Variants in CORO1B observed in about 807,000 individuals in gnomAD.
CORO1B encodes coronin 1B, also known as coronin-1B.
CORO1B carries 30 observed loss-of-function variants against 51.1 expected under a neutral mutation model. The ratio of observed to expected loss-of-function variants is 0.59; its 90% CI spans 0.44 to 0.80. The LOEUF (loss-of-function observed/expected upper bound fraction) is 0.80. CORO1B is among the 30% of genes least tolerant of loss of function. The pLI, the probability that CORO1B is intolerant of heterozygous loss-of-function variation, is 0.00. For missense variants in CORO1B, 648 were observed against 700.4 expected (o/e 0.93, Z 0.84); for synonymous variants, 310 against 289.7 (o/e 1.07, Z -0.71).
intron 9 of CORO1B, 29 bp downstream of exon 9, chr11:67,439,757 C>T: frequency 6.4e-7 from 1 of 1,569,568 alleles, no homozygotes; most frequent in Admixed American, 1.9e-5. Context: ...GAGAAAGGGC[C>T]AAGTGAGCCG....
chr11:67,443,447 C>T lies in CORO1B; in HGVS notation c.-46G>A, dbSNP rs1175436193. ...AGGGGGCTGCGGCACCGGCTTCGGG[C>T]GGCTCCGGATCCCGGCCTCTGGGAA... On this transcript the variant is annotated 5_prime_UTR_variant, in exon 1 of 11. Transcript: ENST00000341356. 15 of 986,198 alleles carry T rather than the reference C, an allele frequency of 1.5e-5. No homozygotes were observed. In the East Asian group the frequency reaches 5.7e-4, roughly 37 times the overall value. 61.1% of individuals were successfully genotyped at this position (986,198 alleles called of 1,614,324 possible).
In CORO1B at chr11:67,437,323, C is replaced by T. The variant is rs948678491; in HGVS notation, c.*1053G>A. 3.4e-5 allele frequency: 12 copies of T among 353,380 alleles called. No homozygotes were observed. Among genetic ancestry groups the T allele is most frequent in the Non-Finnish European group, 5.6e-5 (11 of 197,310 alleles). The allele number at this position is 353,380 out of a possible 1,614,324, so 21.9% of individuals were successfully genotyped here. On this transcript the variant is annotated 3_prime_UTR_variant, in exon 11 of 11. Coordinates refer to ENST00000341356, the MANE Select transcript of CORO1B (RefSeq NM_020441.3). ...AGCCAGCCTCCCCCACCACCCCAGG[C>T]TGTCCGCCCAGGCTCCAGGAATGCA...
At chr11:67,442,935 C>T (rs557485761) in intron 1 of CORO1B, among the ~76,000 whole-genome samples, 2 of 152,266 alleles carry the variant, frequency 1.3e-5, no homozygotes, top group East Asian at 1.9e-4. Flanking sequence ...TGGGAGGTGC[C>T]GGGGTTGGAG....
In CORO1B at chr11:67,442,603, T is replaced by C. The variant is rs1308477856; in HGVS notation, c.26A>G (p.Gln9Arg). The change falls in exon 2 of 11, where the codon CAG becomes CGG. Residue 9 changes from glutamine to arginine, a missense_variant. Gln to Arg is a conservative substitution (Grantham distance 43). Coordinates refer to ENST00000341356, the MANE Select transcript of CORO1B (RefSeq NM_020441.3). MSFRKVVR[Q>R]SKFRHVFGQP... is the part of the protein sequence containing the mutation. ...CCCGAACACATGCCGGAATTTGCTC[T>C]GCCGGACCACTTTGCGGAAGGACAT... The C allele has an allele frequency of 2.5e-6, 4 of 1,613,746 alleles. No individual in the cohort carries two copies. Among genetic ancestry groups the C allele is most frequent in the African/African-American group, 1.3e-5 (1 of 75,070 alleles).
At position 67,441,329 on chromosome 11, in the gene CORO1B, G is replaced by A. The variant is rs376280263; in HGVS notation, c.636+4C>T. 8.1e-6 allele frequency: 13 copies of A among 1,613,358 alleles called. No individual in the cohort carries two copies. The highest frequency in any genetic ancestry group is 2.7e-5 in the African/African-American group (2 of 74,942). ...AGCCATCCTTGCCCTCCAGAGCCACGTACTGCCACCAGGGTGCCCCGACGG... is the reference window on the plus strand; with the variant it reads ...AGCCATCCTTGCCCTCCAGAGCCACATACTGCCACCAGGGTGCCCCGACGG... On this transcript the variant is annotated splice_donor_region_variant and intron_variant, in intron 5 of 10. Coordinates refer to ENST00000341356, the MANE Select transcript of CORO1B (RefSeq NM_020441.3).
At chr11:67,442,653 TCAGTCCGGCCCATCCCAACAACTC>T in intron 1 of CORO1B, 23 bp from the exon 2 acceptor site, 1 of 1,609,646 alleles carries the variant, frequency 6.2e-7, no homozygotes, top group Non-Finnish European at 8.5e-7. Context: ...GAGGCCTGGG[TCAGTCCGGCCCATCCCAACAACTC>T]CAGCCCTCCC....
rs548229630 is a variant in CORO1B, at chr11:67,437,398, CAG to C, written c.*976_*977del. The C allele has an allele frequency of 9.5e-4, 420 of 441,452 alleles. 1 individual carries two copies. The highest frequency in any genetic ancestry group is 7.8e-3 in the African/African-American group (385 of 49,180). 27.3% of individuals were successfully genotyped at this position (441,452 alleles called of 1,614,324 possible). Reference sequence around the variant, plus strand: ...GTAAGGGCCTTCCCAGGGCTCCTGACAGGGGCCTGGTCCGGTATGGGGTGCTG... The same window carrying C: ...GTAAGGGCCTTCCCAGGGCTCCTGACGGGCCTGGTCCGGTATGGGGTGCTG... On this transcript the variant is annotated 3_prime_UTR_variant, in exon 11 of 11. Transcript: ENST00000341356.
rs758742478 is a variant in CORO1B, at chr11:67,435,825, G to A, written c.*2551C>T. Reference sequence around the variant, plus strand: ...CCAGCAAAGGCGTGCAGGTCACTCAGCAGGGCCTCAGCACTGCCCCCTGCG... The same window carrying A: ...CCAGCAAAGGCGTGCAGGTCACTCAACAGGGCCTCAGCACTGCCCCCTGCG... On this transcript the variant is annotated 3_prime_UTR_variant, in exon 11 of 11. Transcript: ENST00000341356. The A allele has an allele frequency of 3.5e-5, 56 of 1,605,502 alleles. No individual in the cohort carries two copies. The Admixed American group carries it at 8.0e-4, about 23-fold the overall frequency.
At chr11:67,442,211 A>T in intron 2 of CORO1B, 123 bp from the exon 3 acceptor site, 1 of 1,491,972 alleles carries the variant, frequency 6.7e-7, no homozygotes, top group Non-Finnish European at 9.1e-7. Flanking sequence ...ACTGTGCCCC[A>T]CTTGCCAGGT....
Position 67,442,070 on chromosome 11 carries a change from C to A in CORO1B, c.220G>T (p.Ala74Ser). The A allele has an allele frequency of 6.2e-7, 1 of 1,612,178 alleles. No individual in the cohort carries two copies. The highest frequency in any genetic ancestry group is 8.5e-7 in the Non-Finnish European group (1 of 1,179,530). ...PLSKTGRIDK[A>S]YPTVCGHTGP... ...GTGTGCCCACACACCGTCGGGTAGGCCTTGTCAATGCGGCCCGTCTGTGGG... is the reference window on the plus strand; with the variant it reads ...GTGTGCCCACACACCGTCGGGTAGGACTTGTCAATGCGGCCCGTCTGTGGG... Residue 74 changes from alanine to serine, a missense_variant, in exon 3 of 11, where the codon GCC (alanine) becomes TCC (serine). Physicochemically the swap from Ala to Ser is moderately conservative, Grantham distance 99 (BLOSUM62 1). Coordinates refer to ENST00000341356, the MANE Select transcript of CORO1B (RefSeq NM_020441.3).
chr11:67,438,856 G>GGTC lies in CORO1B; in HGVS notation c.1156_1158dup (p.Asp386dup). 1 of 1,609,080 alleles carries GGTC rather than the reference G, an allele frequency of 6.2e-7. No homozygotes were observed. The highest frequency in any genetic ancestry group is 1.1e-5 in the South Asian group (1 of 90,332). ...GCCTCCCGCAGTGAGATGAGGATCG[G>GGTC]GTCGGCATCCCGCCCGCTCACCCAC... is the stretch of plus-strand genomic sequence containing the variant. On this transcript the variant is annotated inframe_insertion, in exon 10 of 11. Transcript: ENST00000341356.
rs3741184 is a variant in CORO1B at position 67,435,844 on chromosome 11, C to T, written c.*2532G>A. The T allele has an allele frequency of 4.1e-4, 664 of 1,609,246 alleles. 14 individuals are homozygous for T. The East Asian group carries it at 0.015, about 35-fold the overall frequency. The stretch of plus-strand genomic sequence containing the variant: ...CACTCAGCAGGGCCTCAGCACTGCC[C>T]CCTGCGCTCGCTGGTCCTGGGGAGC... On this transcript the variant is annotated 3_prime_UTR_variant, in exon 11 of 11. Transcript: ENST00000341356.
rs1864293891 is a variant in CORO1B, at chr11:67,436,831, G to A, written c.*1545C>T. On this transcript the variant is annotated 3_prime_UTR_variant, in exon 11 of 11. Coordinates refer to ENST00000341356, the MANE Select transcript of CORO1B (RefSeq NM_020441.3). ...GGAGATAACTGTACTCATTTTTTAT[G>A]TCTATTGTCTTATCTACCCCCCACA... is the stretch of plus-strand genomic sequence containing the variant. 1 of 157,818 alleles carries A rather than the reference G, an allele frequency of 6.3e-6. No homozygotes were observed. Among genetic ancestry groups the A allele is most frequent in the African/African-American group, 2.4e-5 (1 of 41,608 alleles). The allele number at this position is 157,818 out of a possible 1,614,324, so 9.8% of individuals were successfully genotyped here. A position where few individuals can be genotyped will look rare whatever the true frequency, so the allele number is the denominator to read the frequency against.
At chr11:67,439,883 G>A (rs1317864607) in intron 8 of CORO1B, 40 bp from the exon 9 acceptor site, 15 of 1,509,474 alleles carry the variant, frequency 9.9e-6, no homozygotes, top group East Asian at 2.5e-5. Flanking sequence ...AACCCTCACC[G>A]CCCCCCCCAC....
chr11:67,435,575 G>T lies in CORO1B; in HGVS notation c.*2801C>A, dbSNP rs541917464. On this transcript the variant is annotated 3_prime_UTR_variant, in exon 11 of 11. Transcript: ENST00000341356. ...CCTGTGGTTGGGGGGGGCCGTTCCC[G>T]TGGTGAGCGGGGTACACATGGACTT... is the stretch of plus-strand genomic sequence containing the variant. The T allele has an allele frequency of 2.6e-6, 3 of 1,145,714 alleles. No homozygotes were observed. The highest frequency in any genetic ancestry group is 3.6e-6 in the Non-Finnish European group (3 of 837,938). 71.0% of individuals were successfully genotyped at this position (1,145,714 alleles called of 1,614,324 possible).
In CORO1B at chr11:67,436,200, G is replaced by C. The variant is rs1313871784; in HGVS notation, c.*2176C>G. 2 of 1,552,302 alleles carry C rather than the reference G, an allele frequency of 1.3e-6. No individual in the cohort carries two copies. The highest frequency in any genetic ancestry group is 1.9e-5 in the Admixed American group (1 of 51,540). The stretch of plus-strand genomic sequence containing the variant: ...TCACGGCTGAGGCGGCGCCAGGCCA[G>C]TGCTAGGCCAGTGGCCAGCAGTAGG... On this transcript the variant is annotated 3_prime_UTR_variant, in exon 11 of 11. Transcript: ENST00000341356.
In CORO1B at chr11:67,435,990, C is replaced by T. The variant is rs1864263801; in HGVS notation, c.*2386G>A. 7 of 1,613,774 alleles carry T rather than the reference C, an allele frequency of 4.3e-6. No individual in the cohort carries two copies. The highest frequency in any genetic ancestry group is 1.6e-4 in the Middle Eastern group (1 of 6,062). ...CCTTCCCCAGGGTCAGCCTGCAGGC[C>T]ACCATCCGCGACGTGGTCATAGTCT... On this transcript the variant is annotated 3_prime_UTR_variant, in exon 11 of 11. Transcript: ENST00000341356.
chr11:67,436,743 C>G lies in CORO1B; in HGVS notation c.*1633G>C. 5.1e-6 allele frequency: 1 copy of G among 196,770 alleles called. No individual in the cohort carries two copies. 12.2% of individuals were successfully genotyped at this position (196,770 alleles called of 1,614,324 possible). A position where few individuals can be genotyped will look rare whatever the true frequency, so the allele number is the denominator to read the frequency against. On this transcript the variant is annotated 3_prime_UTR_variant, in exon 11 of 11. Transcript: ENST00000341356. ...TTAACCTCTACCCTGATGTCTATCACTGCAGCCCACCCCAGCACCCCCCAG... is the reference window on the plus strand; with the variant it reads ...TTAACCTCTACCCTGATGTCTATCAGTGCAGCCCACCCCAGCACCCCCCAG...
chr11:67,438,921 G>C lies in CORO1B; in HGVS notation c.1094C>G (p.Pro365Arg), dbSNP rs758673385. 6.2e-7 allele frequency: 1 copy of C among 1,608,960 alleles called. No individual in the cohort carries two copies. The highest frequency in any genetic ancestry group is 8.5e-7 in the Non-Finnish European group (1 of 1,178,628). ...GGCTGCCTCGGGCCCGGCTGTGTCG[G>C]GGTACAGATCATCCTGGAAGAGGTC... ...KSDLFQDDLY[P>R]DTAGPEAALE... The change falls in exon 10 of 11, where the codon CCC becomes CGC. Residue 365 changes from proline (P) to arginine (R), a missense_variant. Transcript: ENST00000341356.
Sources: allele counts gnomAD v4.1 joint callset (sites outside exome capture counted in the v4.1 genomes callset), GRCh38; gene constraint gnomAD v4.1.1; transcripts MANE v1.5; gene names NCBI Gene and HGNC (gene_info 2026-07-23, HGNC 2026-07-21).